The following LHFPL3 variants were observed in gnomAD, a reference collection of about 807,000 sequenced individuals.
LHFPL3 encodes the protein LHFPL tetraspan subfamily member 3.
A neutral mutation model predicts 19.3 loss-of-function variants in LHFPL3; 5 were observed. The ratio of observed to expected loss-of-function variants is 0.26; its 90% confidence interval spans 0.14 to 0.54. The LOEUF is 0.54. LHFPL3 is among the 20% of genes least tolerant of loss of function. The probability of loss-of-function intolerance (pLI) is 0.94; values close to 1 mark genes in which losing one functional copy is unlikely to be tolerated. For missense variants in LHFPL3, 249 were observed against 307.4 expected, an observed-to-expected ratio of 0.81 and a Z score of 1.42; for synonymous variants, 133 against 126.2, an observed-to-expected ratio of 1.05 and a Z score of -0.36.
At chr7:104,841,454 A>G (rs564515753) in intron 2 of LHFPL3, among the ~76,000 whole-genome samples, 62 of 150,924 alleles carry the variant, frequency 4.1e-4, no homozygotes, top group Non-Finnish European at 7.5e-4. Flanking sequence ...AAACAATGAT[A>G]CTGATTCAAG....
chr7:104,892,410 G>A (rs922775022), intron 2 of LHFPL3, among the ~76,000 whole-genome samples: 7 of 152,124 alleles, frequency 4.6e-5, no homozygotes, highest in African/African-American at 1.4e-4. Context: ...TTCTTTTTCA[G>A]AGTCAAAAAA....
intron 1 of LHFPL3, among the ~76,000 whole-genome samples, chr7:104,610,895 T>C (rs150744480): frequency 7.9e-5 from 12 of 152,336 alleles, no homozygotes; most frequent in Admixed American, 3.3e-4. Flanking sequence ...AAAGCTACTC[T>C]CTCAAACACA....
intron 1 of LHFPL3, among the ~76,000 whole-genome samples, chr7:104,667,531 G>A (rs140987132): frequency 1.3e-5 from 2 of 152,302 alleles, no homozygotes; most frequent in East Asian, 1.9e-4. Context: ...TTGTCTGGGT[G>A]ATGAACTTAT....
chr7:104,848,601 G>A (rs1370717480), intron 2 of LHFPL3, among the ~76,000 whole-genome samples: 1 of 151,916 alleles, frequency 6.6e-6, no homozygotes, highest in Admixed American at 6.6e-5. Flanking sequence ...TGACCAAATT[G>A]GAAACTGCAG....
intron 1 of LHFPL3, among the ~76,000 whole-genome samples, chr7:104,573,503 C>T (rs1240071405): frequency 6.6e-6 from 1 of 151,574 alleles, no homozygotes; most frequent in East Asian, 1.9e-4. Context: ...TAGGAATGAA[C>T]TTAGGAAACT....
chr7:104,384,622 A>AT (rs1019480976), intron 1 of LHFPL3, among the ~76,000 whole-genome samples: 1 of 151,780 alleles, frequency 6.6e-6, no homozygotes, highest in African/African-American at 2.4e-5. Flanking sequence ...CCCCATCTCT[A>AT]TTAAAAAAAA....
At chr7:104,476,329 T>G (rs2115637155) in intron 1 of LHFPL3, among the ~76,000 whole-genome samples, 1 of 152,374 alleles carries the variant, frequency 6.6e-6, no homozygotes, top group Non-Finnish European at 1.5e-5. Flanking sequence ...TTATTAATAT[T>G]GTTCTTGACT....
At chr7:104,852,183 C>G (rs1313035563) in intron 2 of LHFPL3, among the ~76,000 whole-genome samples, 2 of 152,146 alleles carry the variant, frequency 1.3e-5, no homozygotes, top group Admixed American at 6.5e-5. Context: ...TCAGGGAATG[C>G]CACCTTAATT....
At chr7:104,614,576 CCTCTTCTCTTCTCTCTCTT>C (rs1278028046) in intron 1 of LHFPL3, among the ~76,000 whole-genome samples, 4 of 121,080 alleles carry the variant, frequency 3.3e-5, no homozygotes, top group African/African-American at 1.1e-4. Flanking sequence ...CAAAGAGCCT[CCTCTTCTCTTCTCTCTCTT>C]CTCTTCTCTT....
intron 2 of LHFPL3, among the ~76,000 whole-genome samples, chr7:104,877,600 G>A (rs1337381554): frequency 6.6e-6 from 1 of 152,142 alleles, no homozygotes; most frequent in Non-Finnish European, 1.5e-5. Context: ...GGATGGCTAT[G>A]ATCAAAGATG....
chr7:104,757,826 A>G (rs1242867288), intron 2 of LHFPL3: 5 of 152,224 alleles, frequency 3.3e-5, no homozygotes, highest in African/African-American at 7.2e-5. Flanking sequence ...TAGAACTACC[A>G]TATGACCCAA....
intron 1 of LHFPL3, among the ~76,000 whole-genome samples, chr7:104,548,061 A>G (rs1291529703): frequency 2.0e-5 from 3 of 152,184 alleles, no homozygotes; most frequent in Non-Finnish European, 2.9e-5. Context: ...ATTAATACTT[A>G]AAGATTAAAA....
intron 1 of LHFPL3, among the ~76,000 whole-genome samples, chr7:104,455,974 G>A (rs533006557): frequency 6.6e-6 from 1 of 152,076 alleles, no homozygotes; most frequent in South Asian, 2.1e-4. Context: ...ATTTTTTTCT[G>A]ATGTCCAGTT....
chr7:104,690,645 G>T (rs1439312455), intron 1 of LHFPL3, among the ~76,000 whole-genome samples: 6 of 152,172 alleles, frequency 3.9e-5, no homozygotes, highest in African/African-American at 9.7e-5. Context: ...CATGGCATGG[G>T]GCCTGTCAAG....
At chr7:104,663,206 T>C (rs1174930249) in intron 1 of LHFPL3, among the ~76,000 whole-genome samples, 1 of 152,204 alleles carries the variant, frequency 6.6e-6, no homozygotes, top group Non-Finnish European at 1.5e-5. Context: ...GAATCTGAAA[T>C]GCTTTATGGG....
intron 1 of LHFPL3, among the ~76,000 whole-genome samples, chr7:104,626,280 T>C (rs1444501766): frequency 6.6e-6 from 1 of 152,198 alleles, no homozygotes; most frequent in Non-Finnish European, 1.5e-5. Context: ...GCATCAAATT[T>C]CCTGCCTCTA....
At chr7:104,861,688 G>C (rs1289554359) in intron 2 of LHFPL3, among the ~76,000 whole-genome samples, 1 of 152,160 alleles carries the variant, frequency 6.6e-6, no homozygotes, top group African/African-American at 2.4e-5. Flanking sequence ...TCTTCTCCTA[G>C]AAAGTGATTC....
At chr7:104,495,435 G>A (rs1027713773) in intron 1 of LHFPL3, among the ~76,000 whole-genome samples, 4 of 152,066 alleles carry the variant, frequency 2.6e-5, no homozygotes, top group Non-Finnish European at 4.4e-5. Flanking sequence ...CCAGGCTGGA[G>A]TGCAGTGGCA....
At chr7:104,848,349 C>A (rs1391317625) in intron 2 of LHFPL3, among the ~76,000 whole-genome samples, 1 of 152,114 alleles carries the variant, frequency 6.6e-6, no homozygotes, top group African/African-American at 2.4e-5. Context: ...CCTGTGACAA[C>A]GGTAGCACTG....
Sources: gnomAD v4.1 joint callset for allele counts (sites outside exome capture counted in the v4.1 genomes callset) on GRCh38, gnomAD v4.1.1 for gene constraint, MANE v1.5 for transcripts, NCBI Gene and HGNC (gene_info 2026-07-23, HGNC 2026-07-21) for gene names.